Variants in ARMH4 observed in about 807,000 individuals in gnomAD.
ARMH4 encodes the protein armadillo like helical domain containing 4.
ARMH4 carries 49 observed loss-of-function variants against 61.9 expected under a neutral mutation model. That is an observed-to-expected ratio of 0.79 (90% CI 0.63 to 1.00). ARMH4 has a LOEUF of 1.00. Ranked by LOEUF, ARMH4 falls within the 50% of genes least tolerant of loss-of-function variation. The pLI is 0.00. For synonymous variants in ARMH4, 368 were observed against 341.5 expected (o/e 1.08, Z -0.85); for missense variants, 934 against 930.0 (o/e 1.00, Z -0.06).
intron 6 of ARMH4, among the ~76,000 whole-genome samples, chr14:58,006,920 A>T (rs1045620027): frequency 1.6e-3 from 239 of 151,968 alleles, no homozygotes; most frequent in Middle Eastern, 3.4e-3. Flanking sequence ...AAAAATAAAT[A>T]AATAAATAAA....
In ARMH4 at chr14:58,077,763, C is replaced by T. The variant is rs372679010; in HGVS notation, c.2089+18961G>A. On this transcript the variant is annotated intron_variant, in intron 5 of 7. Coordinates refer to ENST00000267485, the MANE Select transcript of ARMH4 (RefSeq NM_001001872.4). ...TTCACAGAGCTAGCAAGTGATATAA[C>T]CAAGATTGGAATCCACATCTTTTTT... Among the ~76,000 whole-genome samples, 42 of 152,304 alleles carry T rather than the reference C, an allele frequency of 2.8e-4. 2 individuals carry two copies. The South Asian group carries it at 7.3e-3, about 26-fold the overall frequency.
chr14:58,032,068 C>T (rs1209243371), intron 5 of ARMH4, among the ~76,000 whole-genome samples: 1 of 152,186 alleles, frequency 6.6e-6, no homozygotes, highest in Non-Finnish European at 1.5e-5. Context: ...TCTGTCTTCA[C>T]CTTTTCTTCT....
Position 58,139,319 on chromosome 14 carries a change from A to C in ARMH4, c.40T>G (p.Cys14Gly), listed in dbSNP as rs765209846. 3 of 1,614,224 alleles carry C rather than the reference A, an allele frequency of 1.9e-6. No individual in the cohort carries two copies. In the East Asian group the frequency reaches 6.7e-5, roughly 36 times the overall value. Reference protein sequence around the residue: ...PIVLHICLAFCSLLLFSVATQ... With the variant: ...PIVLHICLAFGSLLLFSVATQ... ...GCAACGCTGAAAAGCAGAAGGCTAC[A>C]GAAAGCCAGACAAATGTGCAATACA... Residue 14 changes from cysteine to glycine, a missense_variant, in exon 2 of 8, where the codon TGT (cysteine) becomes GGT (glycine). Transcript: ENST00000267485.
intron 5 of ARMH4, among the ~76,000 whole-genome samples, chr14:58,034,243 A>G (rs1406589951): frequency 7.5e-6 from 1 of 134,226 alleles, no homozygotes; most frequent in Admixed American, 7.3e-5. Context: ...AGTGGGGGCC[A>G]ATATTCAACA....
intron 6 of ARMH4, among the ~76,000 whole-genome samples, chr14:58,010,371 AT>A (rs1056392201): frequency 6.6e-6 from 1 of 152,208 alleles, no homozygotes; most frequent in African/African-American, 2.4e-5. Context: ...TACATATAAA[AT>A]ATACATATCA....
intron 5 of ARMH4, among the ~76,000 whole-genome samples, chr14:58,085,701 G>A (rs1392876549): frequency 6.6e-6 from 1 of 152,098 alleles, no homozygotes. Flanking sequence ...GAAGCATTGA[G>A]TCTATTATTT....
At chr14:58,071,028 A>G (rs992682990) in intron 5 of ARMH4, among the ~76,000 whole-genome samples, 1 of 151,960 alleles carries the variant, frequency 6.6e-6, no homozygotes, top group African/African-American at 2.4e-5. Flanking sequence ...TATTCTAAGA[A>G]AAATGGTTAT....
intron 5 of ARMH4, among the ~76,000 whole-genome samples, chr14:58,051,809 C>T (rs1884151060): frequency 6.6e-6 from 1 of 152,160 alleles, no homozygotes. Context: ...CTTCACTTTG[C>T]ATCAGGAAGA....
At chr14:58,031,614 C>A (rs763920364) in intron 5 of ARMH4, among the ~76,000 whole-genome samples, 1 of 152,104 alleles carries the variant, frequency 6.6e-6, no homozygotes, top group Non-Finnish European at 1.5e-5. Context: ...GAGGAACTTG[C>A]AACAGACTTC....
rs572205980 is a variant in ARMH4, at chr14:58,003,169, A to T, written c.*1567T>A. 1 of 152,274 alleles carries T rather than the reference A, an allele frequency of 6.6e-6. No individual in the cohort carries two copies. The highest frequency in any genetic ancestry group is 1.9e-4 in the East Asian group (1 of 5,172). 9.4% of individuals were successfully genotyped at this position (152,274 alleles called of 1,614,324 possible). ...CTTGACCAGGCAGCTATTCCCTGCT[A>T]TTCCCTTAGAACCTTTGTTTTAAAG... On this transcript the variant is annotated 3_prime_UTR_variant, in exon 8 of 8. Coordinates refer to ENST00000267485, the MANE Select transcript of ARMH4 (RefSeq NM_001001872.4).
chr14:58,012,204 A>G (rs1436615532), intron 5 of ARMH4, 54 bp from the exon 6 acceptor site: 1 of 1,074,050 alleles, frequency 9.3e-7, no homozygotes, highest in Non-Finnish European at 1.4e-6. Flanking sequence ...CTTATAATTC[A>G]TGGCATTAAG....
chr14:58,021,487 G>A (rs894517711), intron 5 of ARMH4, among the ~76,000 whole-genome samples: 6 of 152,166 alleles, frequency 3.9e-5, no homozygotes, highest in Non-Finnish European at 5.9e-5. Context: ...TTTGTAAGTT[G>A]CACTGTCTCA....
rs754114106 is a variant in ARMH4 at position 58,131,559 on chromosome 14, C to T, written c.1784G>A (p.Arg595His). 9 of 1,614,054 alleles carry T rather than the reference C, an allele frequency of 5.6e-6. No individual in the cohort carries two copies. Among genetic ancestry groups the T allele is most frequent in the Non-Finnish European group, 7.6e-6 (9 of 1,180,044 alleles). Residue 595 changes from arginine (R) to histidine (H), a missense_variant, in exon 4 of 8, where the codon CGT becomes CAT. Transcript: ENST00000267485. The stretch of plus-strand genomic sequence containing the variant: ...GCCATATGAGGCAGCTGTATTAACA[C>T]GAGTAATAGATGGAACAACAGTTCT... ...ERRTVVPSIT[R>H]VNTAASYGLD...
At chr14:58,041,726 A>C (rs917330357) in intron 5 of ARMH4, among the ~76,000 whole-genome samples, 13 of 152,222 alleles carry the variant, frequency 8.5e-5, no homozygotes, top group African/African-American at 2.9e-4. Flanking sequence ...CACACATAGG[A>C]TCAAAATAAA....
intron 5 of ARMH4, among the ~76,000 whole-genome samples, chr14:58,015,310 G>A (rs761330875): frequency 6.6e-6 from 1 of 152,216 alleles, no homozygotes; most frequent in Non-Finnish European, 1.5e-5. Context: ...ATAACACAGA[G>A]TGGGAAAGCC....
intron 5 of ARMH4, among the ~76,000 whole-genome samples, chr14:58,026,329 C>T (rs1883019721): frequency 1.3e-5 from 2 of 151,872 alleles, no homozygotes; most frequent in South Asian, 4.2e-4. Flanking sequence ...TATGCTTGAT[C>T]ATGAAGCGGA....
intron 5 of ARMH4, among the ~76,000 whole-genome samples, chr14:58,064,991 C>A (rs535587372): frequency 3.3e-5 from 5 of 152,280 alleles, no homozygotes; most frequent in African/African-American, 1.2e-4. Flanking sequence ...TGCCTGTAAT[C>A]CCAGCACTTT....
chr14:58,066,094 C>T (rs1884691889), intron 5 of ARMH4, among the ~76,000 whole-genome samples: 2 of 152,212 alleles, frequency 1.3e-5, no homozygotes, highest in African/African-American at 2.4e-5. Context: ...TCATTAGAAG[C>T]TTTTCTTGCC....
At position 58,120,347 on chromosome 14, in the gene ARMH4, C is replaced by G. The variant is rs188460916; in HGVS notation, c.1831+11165G>C. Reference sequence around the variant, plus strand: ...CACAAATCTATAACACAAACACTCCCCCATGCCACACACACACACACACAC... The same window carrying G: ...CACAAATCTATAACACAAACACTCCGCCATGCCACACACACACACACACAC... On this transcript the variant is annotated intron_variant, in intron 4 of 7. Coordinates refer to ENST00000267485, the MANE Select transcript of ARMH4 (RefSeq NM_001001872.4). Among the ~76,000 whole-genome samples the G allele has an allele frequency of 7.7e-3, 1,163 of 151,696 alleles. 12 individuals carry two copies. Among genetic ancestry groups the G allele is most frequent in the African/African-American group, 0.027 (1,108 of 41,222 alleles).
Sources: allele counts gnomAD v4.1 joint callset (sites outside exome capture counted in the v4.1 genomes callset), GRCh38; gene constraint gnomAD v4.1.1; transcripts MANE v1.5; gene names NCBI Gene and HGNC (gene_info 2026-07-23, HGNC 2026-07-21).